The following KCNQ5 variants were observed in gnomAD, a reference collection of about 807,000 sequenced individuals.
KCNQ5 encodes potassium voltage-gated channel subfamily KQT member 5.
Under a neutral mutation model 98.2 loss-of-function variants are expected in KCNQ5, and 30 were observed. That is an observed-to-expected ratio of 0.31 (90% CI 0.23 to 0.41). The LOEUF is 0.41. Among genes scored for constraint, KCNQ5 ranks in the 10% least tolerant of loss-of-function variants. The pLI is 1.00. For synonymous variants in KCNQ5, 458 were observed against 449.4 expected, an observed-to-expected ratio of 1.02 and a Z score of -0.24; for missense variants, 835 against 1,182.5, an observed-to-expected ratio of 0.71 and a Z score of 4.31.
intron 1 of KCNQ5, among the ~76,000 whole-genome samples, chr6:72,623,233 G>A (rs1337584321): frequency 1.3e-5 from 2 of 152,198 alleles, no homozygotes; most frequent in Non-Finnish European, 2.9e-5. Context: ...CAGCAGGCCA[G>A]GCGAAGCAAC....
At chr6:73,013,100 C>A (rs565535764) in intron 2 of KCNQ5, among the ~76,000 whole-genome samples, 125 of 152,052 alleles carry the variant, frequency 8.2e-4, no homozygotes, top group African/African-American at 2.9e-3. Context: ...TAATAGAAAA[C>A]AAGTATCTGT....
At chr6:73,012,766 C>A (rs1770137956) in intron 2 of KCNQ5, among the ~76,000 whole-genome samples, 1 of 151,918 alleles carries the variant, frequency 6.6e-6, no homozygotes, top group African/African-American at 2.4e-5. Flanking sequence ...CACCATGGCA[C>A]ACATTTACCT....
At chr6:72,790,557 C>CA (rs926493975) in intron 1 of KCNQ5, among the ~76,000 whole-genome samples, 1 of 151,836 alleles carries the variant, frequency 6.6e-6, no homozygotes, top group Non-Finnish European at 1.5e-5. Flanking sequence ...TTAATGGGTA[C>CA]AAAAAAATCA....
At chr6:72,841,515 G>T (rs980969462) in intron 1 of KCNQ5, among the ~76,000 whole-genome samples, 1 of 152,010 alleles carries the variant, frequency 6.6e-6, no homozygotes, top group Non-Finnish European at 1.5e-5. Flanking sequence ...AAATGCTTAG[G>T]ATATTGAAAG....
At chr6:73,082,793 CT>C (rs1366226203) in intron 5 of KCNQ5, among the ~76,000 whole-genome samples, 1 of 152,026 alleles carries the variant, frequency 6.6e-6, no homozygotes, top group Non-Finnish European at 1.5e-5. Context: ...CATACTGAGG[CT>C]TGCAGAGCAC....
In KCNQ5 at chr6:72,945,107, A is replaced by C. The variant is rs756984245; in HGVS notation, c.399-58801A>C. 1.2e-4 allele frequency among the ~76,000 whole-genome samples: 18 copies of C among 152,234 alleles called. 1 individual carries two copies. Among genetic ancestry groups the C allele is most frequent in the Non-Finnish European group, 2.2e-4 (15 of 68,034 alleles). ...ATATCAGATTATGTCCTTTGAACAT[A>C]CAAGGAAAAAACTCATTGTTATAAC... On this transcript the variant is annotated intron_variant, in intron 1 of 13. Transcript: ENST00000370398.
intron 1 of KCNQ5, among the ~76,000 whole-genome samples, chr6:72,843,941 G>A (rs1372800928): frequency 6.6e-6 from 1 of 152,108 alleles, no homozygotes; most frequent in Non-Finnish European, 1.5e-5. Context: ...TCACTCGTAT[G>A]TGGGAGTTGA....
At chr6:72,719,622 A>G (rs139415390) in intron 1 of KCNQ5, among the ~76,000 whole-genome samples, 76 of 152,300 alleles carry the variant, frequency 5.0e-4, no homozygotes, top group African/African-American at 1.7e-3. Context: ...TCTTGCTTAG[A>G]GATACTTCTC....
intron 3 of KCNQ5, among the ~76,000 whole-genome samples, chr6:73,075,247 G>A (rs998730870): frequency 2.6e-4 from 38 of 143,558 alleles, no homozygotes; most frequent in African/African-American, 8.6e-4. Context: ...TTTTTGAGAC[G>A]CAGTCTTGCT....
chr6:72,713,043 T>C (rs1191868120), intron 1 of KCNQ5, among the ~76,000 whole-genome samples: 1 of 152,142 alleles, frequency 6.6e-6, no homozygotes, highest in Non-Finnish European at 1.5e-5. Context: ...AATATGTACA[T>C]AATAAATAAA....
At chr6:73,018,399 A>T (rs1330280008) in intron 2 of KCNQ5, among the ~76,000 whole-genome samples, 2 of 152,090 alleles carry the variant, frequency 1.3e-5, no homozygotes, top group Non-Finnish European at 2.9e-5. Flanking sequence ...GTAGAGTCCA[A>T]GAAAGAGCTA....
Position 73,195,309 on chromosome 6 carries a change from T to C in KCNQ5, c.2694T>C (p.Phe898=). ...AAPQPAREAA[F]ASDSLRTGRS... ...CGCAGCCTGCCAGGGAAGCTGCCTT[T>C]GCATCAGACTCTCTAAGGACTGGAA... The change falls in exon 14 of 14, where the codon TTT becomes TTC. Residue 898 remains phenylalanine (F), a synonymous_variant. Transcript: ENST00000370398. 1.2e-6 allele frequency: 2 copies of C among 1,614,216 alleles called. No homozygotes were observed. The highest frequency in any genetic ancestry group is 1.7e-6 in the Non-Finnish European group (2 of 1,180,040).
intron 1 of KCNQ5, among the ~76,000 whole-genome samples, chr6:72,649,618 A>G (rs1230153983): frequency 1.3e-5 from 2 of 152,134 alleles, no homozygotes; most frequent in African/African-American, 4.8e-5. Context: ...TCTTTGCTTT[A>G]TTTGTTTTGT....
chr6:72,926,786 A>G (rs1765442876), intron 1 of KCNQ5, among the ~76,000 whole-genome samples: 1 of 152,208 alleles, frequency 6.6e-6, no homozygotes, highest in Non-Finnish European at 1.5e-5. Context: ...TTTATAAATC[A>G]TAAAAATGTT....
At position 72,764,530 on chromosome 6, in the gene KCNQ5, T is replaced by A. The variant is rs146574968; in HGVS notation, c.398+141943T>A. 2.0e-3 allele frequency among the ~76,000 whole-genome samples: 304 copies of A among 152,070 alleles called. 3 individuals are homozygous for A. The highest frequency in any genetic ancestry group is 0.013 in the Admixed American group (202 of 15,216). ...TTTACGGGGTACATGAGATGTTTGA[T>A]ACAGGCATGCAATGTGAAATAAGCA... On this transcript the variant is annotated intron_variant, in intron 1 of 13. Coordinates refer to ENST00000370398, the MANE Select transcript of KCNQ5 (RefSeq NM_019842.4).
intron 1 of KCNQ5, among the ~76,000 whole-genome samples, chr6:72,967,215 G>A (rs918446513): frequency 1.3e-5 from 2 of 151,946 alleles, no homozygotes; most frequent in Non-Finnish European, 2.9e-5. Context: ...CCCTCTTTAG[G>A]ATAGAAACAC....
Position 73,105,280 on chromosome 6 carries a change from T to C in KCNQ5, c.942T>C (p.Tyr314=). 4.3e-6 allele frequency: 7 copies of C among 1,609,204 alleles called. No homozygotes were observed. The highest frequency in any genetic ancestry group is 1.3e-5 in the African/African-American group (1 of 74,916). Reference sequence around the variant, plus strand: ...AGATTACATTGACAACTATTGGCTATGGAGACAAAACTCCCCTAACTTGGC... The same window carrying C: ...AGATTACATTGACAACTATTGGCTACGGAGACAAAACTCCCCTAACTTGGC... ...WGTITLTTIG[Y]GDKTPLTWLG... Residue 314 remains tyrosine, a synonymous_variant, in exon 6 of 14, where the codon TAT becomes TAC. Coordinates refer to ENST00000370398, the MANE Select transcript of KCNQ5 (RefSeq NM_019842.4).
intron 10 of KCNQ5, chr6:73,135,341 T>A (rs1176943960): frequency 6.6e-6 from 1 of 151,916 alleles, no homozygotes; most frequent in Non-Finnish European, 1.5e-5. Context: ...TAATCTGTAT[T>A]TCCTAATATT....
At chr6:73,179,335 A>C (rs1206545829) in intron 11 of KCNQ5, among the ~76,000 whole-genome samples, 1 of 152,132 alleles carries the variant, frequency 6.6e-6, no homozygotes, top group Non-Finnish European at 1.5e-5. Context: ...AAGCAGAGTG[A>C]GCATGCTAAG....
Sources: gnomAD v4.1 joint callset for allele counts (sites outside exome capture counted in the v4.1 genomes callset) on GRCh38, gnomAD v4.1.1 for gene constraint, MANE v1.5 for transcripts, NCBI Gene and HGNC (gene_info 2026-07-23, HGNC 2026-07-21) for gene names.